IPO11: variants seen among roughly 807,000 people sequenced by gnomAD.
IPO11 encodes importin 11.
Under a neutral mutation model 143.2 loss-of-function variants are expected in IPO11, and 66 were observed. The observed-to-expected ratio is 0.46, with a 90% CI of 0.38 to 0.57. IPO11 has a LOEUF of 0.57. Among genes scored for constraint, IPO11 ranks in the 20% least tolerant of loss-of-function variants. The probability of loss-of-function intolerance (pLI) is 0.00; values close to 1 mark genes in which losing one functional copy is unlikely to be tolerated. For missense variants in IPO11, 1,026 were observed against 1,141.0 expected, an observed-to-expected ratio of 0.90 and a Z score of 1.45; for synonymous variants, 385 against 377.8, an observed-to-expected ratio of 1.02 and a Z score of -0.22.
intron 27 of IPO11, among the ~76,000 whole-genome samples, chr5:62,574,078 T>C (rs1161468925): frequency 1.3e-5 from 2 of 152,218 alleles, no homozygotes; most frequent in Non-Finnish European, 2.9e-5. Flanking sequence ...ATATAAGTAT[T>C]ATCCTCAAAA....
intron 24 of IPO11, among the ~76,000 whole-genome samples, chr5:62,543,781 G>A (rs1453528425): frequency 1.3e-5 from 2 of 152,012 alleles, no homozygotes; most frequent in African/African-American, 4.8e-5. Context: ...TGATGTTAGG[G>A]TGTCAATTTT....
chr5:62,455,091 G>T (rs2112168345), intron 5 of IPO11, among the ~76,000 whole-genome samples: 1 of 152,236 alleles, frequency 6.6e-6, no homozygotes, highest in East Asian at 1.9e-4. Flanking sequence ...AGCATTTGTG[G>T]GAAGACATCA....
In IPO11 at chr5:62,464,746, T is replaced by TA. The variant is rs368362375; in HGVS notation, c.517-2384dup. 1.4e-4 allele frequency among the ~76,000 whole-genome samples: 22 copies of TA among 152,302 alleles called. No individual in the cohort carries two copies. In the East Asian group the frequency reaches 4.2e-3, roughly 29 times the overall value. ...CCTCTGCCTCCCAAAGCACTGACAT[T>TA]ACAGGCATGAGCCATCGCGCCTGGT... On this transcript the variant is annotated intron_variant, in intron 5 of 29. Transcript: ENST00000325324.
chr5:62,454,015 G>A (rs1745033754), intron 5 of IPO11, among the ~76,000 whole-genome samples: 2 of 152,050 alleles, frequency 1.3e-5, no homozygotes, highest in Non-Finnish European at 2.9e-5. Flanking sequence ...CGCGCCTGTA[G>A]TCCCAGCTAC....
chr5:62,504,602 G>T, intron 16 of IPO11, 65 bp from the exon 17 acceptor site: 1 of 943,908 alleles, frequency 1.1e-6, no homozygotes, highest in East Asian at 2.8e-5. Flanking sequence ...AAAATTTTTT[G>T]TTTGATATTA....
At chr5:62,498,055 A>G (rs1407243126) in intron 16 of IPO11, among the ~76,000 whole-genome samples, 1 of 152,098 alleles carries the variant, frequency 6.6e-6, no homozygotes, top group Non-Finnish European at 1.5e-5. Flanking sequence ...TTCTTAAACA[A>G]CAGCTTTATA....
At chr5:62,626,318 G>A (rs750347872) in intron 29 of IPO11, among the ~76,000 whole-genome samples, 8 of 152,164 alleles carry the variant, frequency 5.3e-5, no homozygotes, top group Non-Finnish European at 1.0e-4. Flanking sequence ...ATGAGCCACC[G>A]AGCCTGGCCC....
intron 5 of IPO11, among the ~76,000 whole-genome samples, chr5:62,455,911 G>C (rs543929130): frequency 1.3e-5 from 2 of 152,224 alleles, no homozygotes; most frequent in South Asian, 4.1e-4. Context: ...TTTTAGTAGA[G>C]ATAGGGTTTC....
chr5:62,544,468 T>C (rs1743081836), intron 24 of IPO11, among the ~76,000 whole-genome samples: 3 of 152,166 alleles, frequency 2.0e-5, no homozygotes, highest in Admixed American at 2.0e-4. Flanking sequence ...ATAAGAGCTA[T>C]TTATGACAAA....
At chr5:62,591,702 G>GTCCAATTAT in intron 28 of IPO11, 30 bp downstream of exon 28, 1 of 1,387,474 alleles carries the variant, frequency 7.2e-7, no homozygotes, top group Non-Finnish European at 1.0e-6. Flanking sequence ...AATCATAATT[G>GTCCAATTAT]GACTTGGGGG....
chr5:62,476,137 C>T (rs942235219), intron 8 of IPO11, among the ~76,000 whole-genome samples: 1 of 152,126 alleles, frequency 6.6e-6, no homozygotes, highest in East Asian at 1.9e-4. Context: ...CTCTGGCCAT[C>T]CTTGTGGGCG....
intron 27 of IPO11, among the ~76,000 whole-genome samples, chr5:62,570,173 A>G (rs1216728939): frequency 6.6e-6 from 1 of 152,216 alleles, no homozygotes; most frequent in African/African-American, 2.4e-5. Context: ...CTGTATACAA[A>G]GCAATTTCAT....
chr5:62,568,372 G>C (rs1390796684), intron 27 of IPO11, among the ~76,000 whole-genome samples: 1 of 150,806 alleles, frequency 6.6e-6, no homozygotes, highest in African/African-American at 2.4e-5. Flanking sequence ...GTCCATTGTA[G>C]TTTTCAACTC....
At chr5:62,472,066 C>A (rs562632614) in intron 7 of IPO11, among the ~76,000 whole-genome samples, 1 of 152,328 alleles carries the variant, frequency 6.6e-6, no homozygotes, top group East Asian at 1.9e-4. Context: ...AACTTGACAA[C>A]TCCTTTTCAA....
intron 26 of IPO11, among the ~76,000 whole-genome samples, chr5:62,552,456 G>T (rs1162641036): frequency 1.3e-5 from 2 of 150,158 alleles, no homozygotes; most frequent in African/African-American, 2.4e-5. Flanking sequence ...TTGAAATGGG[G>T]TAATATATAT....
At chr5:62,545,758 A>T (rs533683542) in intron 24 of IPO11, among the ~76,000 whole-genome samples, 22 of 152,322 alleles carry the variant, frequency 1.4e-4, no homozygotes, top group Non-Finnish European at 2.8e-4. Context: ...TTTACAAGAA[A>T]AAAACAACCC....
chr5:62,557,002 C>T (rs762849035), intron 26 of IPO11, among the ~76,000 whole-genome samples: 2 of 152,100 alleles, frequency 1.3e-5, no homozygotes, highest in Non-Finnish European at 2.9e-5. Context: ...ATTCACATGT[C>T]CAGCCCTTTC....
Position 62,461,398 on chromosome 5 carries a change from A to T in IPO11, c.517-5733A>T, listed in dbSNP as rs74532082. ...TAGGGGATTCTGGCTAAACCAACAT[A>T]GCAAGATTTCTTGCTAAAATTGGGT... On this transcript the variant is annotated intron_variant, in intron 5 of 29. Transcript: ENST00000325324. Among the ~76,000 whole-genome samples the T allele has an allele frequency of 7.9e-3, 1,204 of 152,348 alleles. 20 individuals carry two copies. Among genetic ancestry groups the T allele is most frequent in the African/African-American group, 0.027 (1,140 of 41,588 alleles).
intron 3 of IPO11, among the ~76,000 whole-genome samples, chr5:62,444,505 C>T (rs1401671743): frequency 6.6e-6 from 1 of 152,078 alleles, no homozygotes. Context: ...CACTTTTCTA[C>T]TGCTTTGTCC....
Sources: gnomAD v4.1 joint callset for allele counts (sites outside exome capture counted in the v4.1 genomes callset) on GRCh38, gnomAD v4.1.1 for gene constraint, MANE v1.5 for transcripts, NCBI Gene and HGNC (gene_info 2026-07-23, HGNC 2026-07-21) for gene names.